The following MAML2 variants were observed in gnomAD, a reference collection of about 807,000 sequenced individuals.
MAML2 encodes the protein mastermind like transcriptional coactivator 2.
MAML2 carries 22 observed loss-of-function variants against 96.1 expected under a neutral mutation model. The observed-to-expected ratio is 0.23, with a 90% confidence interval of 0.16 to 0.33. The LOEUF (loss-of-function observed/expected upper bound fraction) is 0.33. MAML2 is among the 10% of genes least tolerant of loss of function. The pLI, the probability that MAML2 is intolerant of heterozygous loss-of-function variation, is 1.00. For missense variants in MAML2, 1,367 were observed against 1,392.4 expected (o/e 0.98, Z 0.29); for synonymous variants, 561 against 521.3 (o/e 1.08, Z -1.04).
intron 1 of MAML2, among the ~76,000 whole-genome samples, chr11:96,232,193 C>T (rs1006228981): frequency 4.6e-5 from 7 of 152,196 alleles, no homozygotes; most frequent in South Asian, 2.1e-4. Flanking sequence ...CTAAGCATCA[C>T]GTCTTTGGCT....
At chr11:96,107,435 T>G (rs2135828276) in intron 1 of MAML2, among the ~76,000 whole-genome samples, 1 of 152,334 alleles carries the variant, frequency 6.6e-6, no homozygotes, top group African/African-American at 2.4e-5. Context: ...ACTCAAAATG[T>G]GACCAATAAT....
chr11:96,018,440 G>A lies in MAML2; in HGVS notation c.2140-26717C>T, dbSNP rs1858388009. On this transcript the variant is annotated intron_variant, in intron 2 of 4. Transcript: ENST00000524717. ...TTGGATGCTATCACCTAGGGAGTGA[G>A]TATAGATGATGAAAAGGAGTACAGT... 5.9e-5 allele frequency among the ~76,000 whole-genome samples: 9 copies of A among 152,280 alleles called. No homozygotes were observed. In the South Asian group the frequency reaches 1.7e-3, roughly 28 times the overall value.
In MAML2 at chr11:96,087,447, G is replaced by A. The variant is rs1005123819; in HGVS notation, c.2139+4445C>T. Among the ~76,000 whole-genome samples, 15 of 152,182 alleles carry A rather than the reference G, an allele frequency of 9.9e-5. No individual in the cohort carries two copies. The South Asian group carries it at 1.4e-3, about 15-fold the overall frequency. ...CCTGGCCTCCCACAGACAACCCACA[G>A]TATGTCTGTATCAACCTTGTTCCCT... On this transcript the variant is annotated intron_variant, in intron 2 of 4. Coordinates refer to ENST00000524717, the MANE Select transcript of MAML2 (RefSeq NM_032427.4).
intron 1 of MAML2, among the ~76,000 whole-genome samples, chr11:96,324,966 GT>G (rs1406203050): frequency 6.6e-6 from 1 of 152,070 alleles, no homozygotes; most frequent in Non-Finnish European, 1.5e-5. Context: ...ACATTAAAAG[GT>G]TTTCTCATCT....
chr11:96,206,312 G>A (rs1247872999), intron 1 of MAML2, among the ~76,000 whole-genome samples: 5 of 152,080 alleles, frequency 3.3e-5, no homozygotes, highest in South Asian at 2.1e-4. Context: ...TGAAATTGCC[G>A]GATAGGCGGG....
intron 2 of MAML2, among the ~76,000 whole-genome samples, chr11:96,028,884 C>T (rs2509079): frequency 0.4 from 61,438 of 151,902 alleles, 14,575 homozygotes; most frequent in African/African-American, 0.66. Context: ...TATATTCTTA[C>T]ATCCCCAACA....
chr11:96,151,130 C>G (rs1425721345), intron 1 of MAML2, among the ~76,000 whole-genome samples: 1 of 152,186 alleles, frequency 6.6e-6, no homozygotes, highest in Non-Finnish European at 1.5e-5. Context: ...ACTCCCTCGT[C>G]TAATTTTCAC....
chr11:96,021,380 A>G (rs929871096), intron 2 of MAML2, among the ~76,000 whole-genome samples: 3 of 152,214 alleles, frequency 2.0e-5, no homozygotes, highest in African/African-American at 7.2e-5. Context: ...TTTCCCAACT[A>G]GAGGGGGAGG....
At chr11:96,173,227 C>G (rs1237508202) in intron 1 of MAML2, among the ~76,000 whole-genome samples, 1 of 152,148 alleles carries the variant, frequency 6.6e-6, no homozygotes, top group Non-Finnish European at 1.5e-5. Flanking sequence ...TGTTTCACCA[C>G]CAAAGGAAGA....
At chr11:96,171,346 T>A (rs770577515) in intron 1 of MAML2, among the ~76,000 whole-genome samples, 10 of 152,122 alleles carry the variant, frequency 6.6e-5, no homozygotes, top group Non-Finnish European at 1.5e-4. Context: ...CTTATTCCCC[T>A]CGTGTTTCAA....
At chr11:95,983,161 C>G (rs1474268269) in intron 4 of MAML2, among the ~76,000 whole-genome samples, 1 of 152,104 alleles carries the variant, frequency 6.6e-6, no homozygotes, top group Non-Finnish European at 1.5e-5. Context: ...TTCCTGAACA[C>G]CTTCCAGTGG....
intron 1 of MAML2, among the ~76,000 whole-genome samples, chr11:96,257,742 G>A (rs148646818): frequency 9.3e-4 from 142 of 152,266 alleles, no homozygotes; most frequent in African/African-American, 3.2e-3. Context: ...CACCAGTGCT[G>A]CCCATTTCTG....
At chr11:96,180,132 A>C (rs1861459665) in intron 1 of MAML2, among the ~76,000 whole-genome samples, 1 of 151,734 alleles carries the variant, frequency 6.6e-6, no homozygotes, top group Admixed American at 6.6e-5. Context: ...CTGAAGACCT[A>C]GTGTGGGCAG....
intron 1 of MAML2, among the ~76,000 whole-genome samples, chr11:96,338,410 GC>G (rs1197747881): frequency 6.6e-6 from 1 of 152,250 alleles, no homozygotes; most frequent in South Asian, 2.1e-4. Context: ...GTAGAATTAG[GC>G]TGTCAATGTG....
intron 1 of MAML2, among the ~76,000 whole-genome samples, chr11:96,142,630 T>C (rs1315400356): frequency 6.6e-6 from 1 of 152,350 alleles, no homozygotes; most frequent in African/African-American, 2.4e-5. Context: ...AAAGTCCTTT[T>C]ATACTAAAGA....
chr11:96,214,103 A>G (rs1050739970), intron 1 of MAML2, among the ~76,000 whole-genome samples: 2 of 152,268 alleles, frequency 1.3e-5, no homozygotes, highest in East Asian at 1.9e-4. Flanking sequence ...ATACATATAT[A>G]CAAATAGTGA....
intron 1 of MAML2, among the ~76,000 whole-genome samples, chr11:96,193,826 A>G (rs1372504859): frequency 6.6e-6 from 1 of 152,204 alleles, no homozygotes; most frequent in Non-Finnish European, 1.5e-5. Flanking sequence ...TGTGTATACT[A>G]CTTTGACCTG....
intron 1 of MAML2, among the ~76,000 whole-genome samples, chr11:96,341,127 G>A (rs1446523245): frequency 6.6e-6 from 1 of 152,222 alleles, no homozygotes; most frequent in South Asian, 2.1e-4. Context: ...GGACCCCAGA[G>A]AGCCTCTGGA....
intron 1 of MAML2, among the ~76,000 whole-genome samples, chr11:96,288,434 C>T (rs761471836): frequency 6.6e-5 from 10 of 151,142 alleles, no homozygotes; most frequent in Admixed American, 4.0e-4. Context: ...CTCAGCTACT[C>T]GGGAGGCCGA....
Sources: allele counts gnomAD v4.1 joint callset (sites outside exome capture counted in the v4.1 genomes callset), GRCh38; gene constraint gnomAD v4.1.1; transcripts MANE v1.5; gene names NCBI Gene and HGNC (gene_info 2026-07-23, HGNC 2026-07-21).